Variants in DCBLD2 observed in about 807,000 individuals in gnomAD.
The protein encoded by DCBLD2 is discoidin, CUB and LCCL domain containing 2.
A neutral mutation model predicts 86.8 loss-of-function variants in DCBLD2; 54 were observed. The ratio of observed to expected loss-of-function variants is 0.62; its 90% CI spans 0.50 to 0.78. The LOEUF is 0.78. Ranked by LOEUF, DCBLD2 falls within the 30% of genes least tolerant of loss-of-function variation. The pLI is 0.00. For missense variants in DCBLD2, 908 were observed against 954.2 expected (o/e 0.95, Z 0.64); for synonymous variants, 354 against 341.3 (o/e 1.04, Z -0.41).
Position 98,901,534 on chromosome 3 carries a change from C to T in DCBLD2, c.-208G>A, listed in dbSNP as rs1943852948. The T allele has an allele frequency of 2.5e-6, 1 of 407,498 alleles. No individual in the cohort carries two copies. Among genetic ancestry groups the T allele is most frequent in the Non-Finnish European group, 4.1e-6 (1 of 246,748 alleles). 25.2% of individuals were successfully genotyped at this position (407,498 alleles called of 1,614,324 possible). A position where few individuals can be genotyped will look rare whatever the true frequency, so the allele number is the denominator to read the frequency against. ...TCCCTCCGCTCCCCGCGCCGAGACCCCAGGCCGGAGCGCAGGGGAGGGGAG... is the reference window on the plus strand; with the variant it reads ...TCCCTCCGCTCCCCGCGCCGAGACCTCAGGCCGGAGCGCAGGGGAGGGGAG... On this transcript the variant is annotated 5_prime_UTR_variant, in exon 1 of 16. Coordinates refer to ENST00000326840, the MANE Select transcript of DCBLD2 (RefSeq NM_080927.4).
Position 98,881,583 on chromosome 3 carries a change from G to A in DCBLD2, c.390C>T (p.Tyr130=), listed in dbSNP as rs771480277. Residue 130 remains tyrosine, a synonymous_variant, in exon 2 of 16, where the codon TAC becomes TAT. Transcript: ENST00000326840. ...CTCCAATTCCATTATAAATTCTCAAGTAATTAAAGTGACAAGAATCAGAAT... is the reference window on the plus strand; with the variant it reads ...CTCCAATTCCATTATAAATTCTCAAATAATTAAAGTGACAAGAATCAGAAT... ...IEDSDSCHFN[Y]LRIYNGIGVS... is the part of the protein sequence containing the mutation. 3.7e-6 allele frequency: 6 copies of A among 1,613,858 alleles called. No individual in the cohort carries two copies. In the Admixed American group the frequency reaches 1.0e-4, roughly 27 times the overall value.
At chr3:98,826,778 C>A (rs187872925) in intron 3 of DCBLD2, among the ~76,000 whole-genome samples, 1 of 152,192 alleles carries the variant, frequency 6.6e-6, no homozygotes, top group Non-Finnish European at 1.5e-5. Flanking sequence ...TATTTACTAA[C>A]CTGCAGGGAA....
chr3:98,828,048 C>T (rs188696716), intron 3 of DCBLD2, among the ~76,000 whole-genome samples: 8 of 152,156 alleles, frequency 5.3e-5, no homozygotes, highest in African/African-American at 1.7e-4. Flanking sequence ...GAATTGGACC[C>T]GTACCTCAAA....
At chr3:98,802,678 T>G (rs1453111750) in intron 13 of DCBLD2, among the ~76,000 whole-genome samples, 1 of 152,216 alleles carries the variant, frequency 6.6e-6, no homozygotes, top group Non-Finnish European at 1.5e-5. Context: ...TTTTATGGTT[T>G]TAGGTCTAAC....
intron 3 of DCBLD2, among the ~76,000 whole-genome samples, chr3:98,836,979 T>C (rs1942475593): frequency 1.5e-5 from 1 of 65,562 alleles, no homozygotes; most frequent in Non-Finnish European, 3.0e-5. Flanking sequence ...GGCTCCTCAC[T>C]TCCCAGTAGG....
chr3:98,878,688 G>T (rs182845490), intron 2 of DCBLD2, among the ~76,000 whole-genome samples: 41 of 152,250 alleles, frequency 2.7e-4, no homozygotes, highest in Non-Finnish European at 4.6e-4. Flanking sequence ...CCAAATGGAG[G>T]ACCAGTGGGT....
At chr3:98,843,291 T>G (rs889006699) in intron 3 of DCBLD2, among the ~76,000 whole-genome samples, 1 of 152,178 alleles carries the variant, frequency 6.6e-6, no homozygotes, top group Admixed American at 6.5e-5. Flanking sequence ...TAATAAAATC[T>G]TACTAAGTTT....
intron 2 of DCBLD2, among the ~76,000 whole-genome samples, chr3:98,864,605 C>T (rs1943108590): frequency 6.6e-6 from 1 of 151,800 alleles, no homozygotes; most frequent in South Asian, 2.1e-4. Flanking sequence ...ATCGCAAGAA[C>T]AAAAAACCAA....
intron 1 of DCBLD2, among the ~76,000 whole-genome samples, chr3:98,899,396 C>A (rs945805048): frequency 2.0e-5 from 3 of 151,766 alleles, no homozygotes; most frequent in East Asian, 1.9e-4. Flanking sequence ...GGACTACAGG[C>A]ATGTGCCACC....
At chr3:98,824,314 C>CG (rs11455446) in intron 4 of DCBLD2, among the ~76,000 whole-genome samples, 54,665 of 151,802 alleles carry the variant, frequency 0.36, 11,001 homozygotes, top group East Asian at 0.71. Flanking sequence ...CACCATTAGG[C>CG]AATAGTACAG....
At chr3:98,806,580 G>A (rs1455782317) in intron 13 of DCBLD2, among the ~76,000 whole-genome samples, 3 of 152,000 alleles carry the variant, frequency 2.0e-5, no homozygotes, top group Non-Finnish European at 4.4e-5. Context: ...TGTTACAGCT[G>A]GGAGTTTTTT....
rs148225927 is a variant in DCBLD2, at chr3:98,853,161, G to A, written c.434-3563C>T. Among the ~76,000 whole-genome samples, 17 of 152,344 alleles carry A rather than the reference G, an allele frequency of 1.1e-4. No homozygotes were observed. In the East Asian group the frequency reaches 3.1e-3, roughly 28 times the overall value. ...TTGAATTTGATAGAGGTATGGAGGC[G>A]AAGTTAGAATTGATGGCTCAGGACC... On this transcript the variant is annotated intron_variant, in intron 2 of 15. Transcript: ENST00000326840.
At chr3:98,844,528 A>AT (rs1427698874) in intron 3 of DCBLD2, among the ~76,000 whole-genome samples, 14 of 152,006 alleles carry the variant, frequency 9.2e-5, no homozygotes, top group Admixed American at 7.9e-4. Flanking sequence ...CGCCCGGCTA[A>AT]TTTTTTATAT....
chr3:98,891,885 CATA>C (rs1045351934), intron 1 of DCBLD2, among the ~76,000 whole-genome samples: 4 of 151,860 alleles, frequency 2.6e-5, no homozygotes, highest in South Asian at 2.1e-4. Context: ...TCCCTATTTC[CATA>C]ATAATATCTT....
rs140144412 is a variant in DCBLD2, at chr3:98,871,266, T to G, written c.433+10274A>C. Among the ~76,000 whole-genome samples, 255 of 152,276 alleles carry G rather than the reference T, an allele frequency of 1.7e-3. 2 individuals are homozygous for G. The highest frequency in any genetic ancestry group is 5.9e-3 in the African/African-American group (245 of 41,572). ...CTTGATTTCTCTTTTCTAACTTAGATGCCCTTTATTTCTTCTCTTGCCTGA... is the reference window on the plus strand; with the variant it reads ...CTTGATTTCTCTTTTCTAACTTAGAGGCCCTTTATTTCTTCTCTTGCCTGA... On this transcript the variant is annotated intron_variant, in intron 2 of 15. Coordinates refer to ENST00000326840, the MANE Select transcript of DCBLD2 (RefSeq NM_080927.4).
intron 1 of DCBLD2, among the ~76,000 whole-genome samples, chr3:98,894,879 CT>C (rs1329623114): frequency 6.6e-6 from 1 of 151,996 alleles, no homozygotes; most frequent in African/African-American, 2.4e-5. Context: ...GAATAAAACT[CT>C]CTCCGCTGGC....
chr3:98,856,714 A>G (rs559688317), intron 2 of DCBLD2, among the ~76,000 whole-genome samples: 1 of 152,258 alleles, frequency 6.6e-6, no homozygotes, highest in South Asian at 2.1e-4. Flanking sequence ...AAGAAATGAG[A>G]GTTGGTTGAC....
chr3:98,814,705 A>G (rs1421975091), intron 9 of DCBLD2: 1 of 152,190 alleles, frequency 6.6e-6, no homozygotes, highest in Non-Finnish European at 1.5e-5. Flanking sequence ...AAATGAATAC[A>G]CCAATTACCC....
intron 2 of DCBLD2, among the ~76,000 whole-genome samples, chr3:98,850,301 T>A (rs1426714902): frequency 6.6e-6 from 1 of 152,216 alleles, no homozygotes; most frequent in Admixed American, 6.5e-5. Flanking sequence ...TTAACACTAA[T>A]GACAGCTTTT....
Sources: gnomAD v4.1 joint callset for allele counts (sites outside exome capture counted in the v4.1 genomes callset) on GRCh38, gnomAD v4.1.1 for gene constraint, MANE v1.5 for transcripts, NCBI Gene and HGNC (gene_info 2026-07-23, HGNC 2026-07-21) for gene names.